ITPR1: variants seen among roughly 807,000 people sequenced by gnomAD.
ITPR1 encodes the protein inositol 1,4,5-trisphosphate-gated calcium channel ITPR1.
Under a neutral mutation model 318.4 loss-of-function variants are expected in ITPR1, and 96 were observed. That is an observed-to-expected ratio of 0.30 (90% CI 0.26 to 0.36). ITPR1 has a LOEUF of 0.36. ITPR1 is among the 10% of genes least tolerant of loss of function. The probability of loss-of-function intolerance (pLI) is 1.00; values close to 1 mark genes in which losing one functional copy is unlikely to be tolerated. For missense variants in ITPR1, 2,440 were observed against 3,460.2 expected (o/e 0.71, Z 7.40); for synonymous variants, 1,312 against 1,289.9 (o/e 1.02, Z -0.37).
intron 12 of ITPR1, among the ~76,000 whole-genome samples, chr3:4,654,659 C>T (rs1376115437): frequency 1.3e-5 from 2 of 152,136 alleles, no homozygotes; most frequent in Non-Finnish European, 2.9e-5. Context: ...CAGCAGTGGG[C>T]ATGGAAGGTG....
intron 4 of ITPR1, among the ~76,000 whole-genome samples, chr3:4,611,559 C>G (rs2092121248): frequency 1.1e-5 from 1 of 92,680 alleles, no homozygotes; most frequent in Admixed American, 1.0e-4. Flanking sequence ...GACTCTCTCT[C>G]AAAAATAAAT....
At chr3:4,537,700 C>T (rs1349410068) in intron 4 of ITPR1, among the ~76,000 whole-genome samples, 1 of 151,298 alleles carries the variant, frequency 6.6e-6, no homozygotes, top group Admixed American at 6.6e-5. Flanking sequence ...CCAAGGAATG[C>T]AGGAAGCTGC....
In ITPR1 at chr3:4,611,502, G is replaced by A. The variant is rs2092116637; in HGVS notation, c.164-16261G>A. Among the ~76,000 whole-genome samples, 3 of 151,896 alleles carry A rather than the reference G, an allele frequency of 2.0e-5. No homozygotes were observed. The South Asian group carries it at 6.2e-4, about 32-fold the overall frequency. On this transcript the variant is annotated intron_variant, in intron 4 of 61. Coordinates refer to ENST00000649015, the MANE Select transcript of ITPR1 (RefSeq NM_001378452.1). ...TTGAACCCAGGAGGCAGAGGTTGCAGTGAGCCGAGATCACGCCACTGTACG... is the reference window on the plus strand; with the variant it reads ...TTGAACCCAGGAGGCAGAGGTTGCAATGAGCCGAGATCACGCCACTGTACG...
At chr3:4,673,448 T>C (rs2094126437) in intron 21 of ITPR1, 61 bp downstream of exon 21, 13 of 1,432,788 alleles carry the variant, frequency 9.1e-6, no homozygotes, top group African/African-American at 1.4e-5. Flanking sequence ...GATAGCCCCA[T>C]ATGGTCTCAT....
At position 4,814,580 on chromosome 3, in the gene ITPR1, G is replaced by A. The variant is rs745497538; in HGVS notation, c.7701+18G>A. 31 of 1,461,504 alleles carry A rather than the reference G, an allele frequency of 2.1e-5. No homozygotes were observed. Among genetic ancestry groups the A allele is most frequent in the Non-Finnish European group, 2.7e-5 (29 of 1,056,452 alleles). 90.5% of individuals were successfully genotyped at this position (1,461,504 alleles called of 1,614,324 possible). ...CCAAAGAGGTAAATTAATCCCGAGG[G>A]GAAGGAAGGGCAAAGGGGGCGGGTG... is the stretch of plus-strand genomic sequence containing the variant. On this transcript the variant is annotated intron_variant, in intron 58 of 61. Transcript: ENST00000649015.
intron 40 of ITPR1, among the ~76,000 whole-genome samples, chr3:4,721,110 A>G (rs1434791208): frequency 6.9e-6 from 1 of 145,898 alleles, no homozygotes; most frequent in Non-Finnish European, 1.5e-5. Flanking sequence ...GTGGAGGGAT[A>G]TATATATATA....
chr3:4,701,882 A>G (rs1002951545), intron 35 of ITPR1, among the ~76,000 whole-genome samples: 2 of 152,164 alleles, frequency 1.3e-5, no homozygotes, highest in African/African-American at 4.8e-5. Context: ...TTTTCTTAAA[A>G]TAGACTTCCT....
intron 33 of ITPR1, among the ~76,000 whole-genome samples, chr3:4,695,864 T>A (rs545138473): frequency 1.2e-4 from 19 of 152,332 alleles, no homozygotes. Context: ...GGATTGTGCA[T>A]ACATCCTGGC....
chr3:4,681,675 A>G (rs1336778360), intron 26 of ITPR1, among the ~76,000 whole-genome samples: 1 of 136,888 alleles, frequency 7.3e-6, no homozygotes, highest in Non-Finnish European at 1.6e-5. Flanking sequence ...TAGGACAGAA[A>G]GGATTTAAGG....
intron 60 of ITPR1, among the ~76,000 whole-genome samples, chr3:4,828,349 G>C (rs192572249): frequency 3.3e-5 from 5 of 152,320 alleles, no homozygotes; most frequent in South Asian, 2.1e-4. Flanking sequence ...TTAGCTAATT[G>C]AAAGTGCAGG....
At chr3:4,791,764 A>G (rs1256602427) in intron 52 of ITPR1, among the ~76,000 whole-genome samples, 1 of 152,224 alleles carries the variant, frequency 6.6e-6, no homozygotes, top group Non-Finnish European at 1.5e-5. Flanking sequence ...GCATTGACGC[A>G]TGGAAGTACA....
At chr3:4,650,644 T>TGTGTGTGC (rs1337776997) in intron 10 of ITPR1, among the ~76,000 whole-genome samples, 66 of 26,538 alleles carry the variant, frequency 2.5e-3, no homozygotes, top group Middle Eastern at 0.033. Context: ...TGTGTGTGTG[T>TGTGTGTGC]GCGCGCGTCT....
chr3:4,759,965 T>C lies in ITPR1; in HGVS notation c.5545-6565T>C, dbSNP rs988035584. On this transcript the variant is annotated intron_variant, in intron 44 of 61. Coordinates refer to ENST00000649015, the MANE Select transcript of ITPR1 (RefSeq NM_001378452.1). The stretch of plus-strand genomic sequence containing the variant: ...CTGCCCTGGCCTTTTCCTTAAAGCG[T>C]ATCTGATCAGATCTGTCATCAGGGA... Among the ~76,000 whole-genome samples, 3 of 152,202 alleles carry C rather than the reference T, an allele frequency of 2.0e-5. No homozygotes were observed. In the East Asian group the frequency reaches 5.8e-4, roughly 29 times the overall value.
At chr3:4,621,887 T>A (rs57048024) in intron 4 of ITPR1, among the ~76,000 whole-genome samples, 4,690 of 152,258 alleles carry the variant, frequency 0.031, 225 homozygotes, top group African/African-American at 0.11. Context: ...GCCACAGTCC[T>A]AGAGTTGCCT....
Position 4,699,841 on chromosome 3 carries a change from A to T in ITPR1, c.4436A>T (p.His1479Leu), listed in dbSNP as rs750411926. The T allele has an allele frequency of 6.2e-7, 1 of 1,613,954 alleles. No homozygotes were observed. The highest frequency in any genetic ancestry group is 8.5e-7 in the Non-Finnish European group (1 of 1,179,830). Residue 1479 changes from histidine to leucine, a missense_variant, in exon 35 of 62, where the codon CAT becomes CTT. Around this residue, in one of 23 missense-constraint regions of ITPR1, gnomAD observed 73 missense variants for 59.5 expected, o/e 1.23. Transcript: ENST00000649015. ...TGTAACAACACTAGTGACAGGAAAC[A>T]TGCAGACTCGATTTTGGAGAAGTAT... ...RACNNTSDRK[H>L]ADSILEKYVT...
intron 44 of ITPR1, chr3:4,749,980 T>G (rs1195133294): frequency 2.0e-5 from 3 of 152,684 alleles, no homozygotes; most frequent in Non-Finnish European, 2.9e-5. Context: ...GGAGGAGGCC[T>G]TTTCCATCCA....
chr3:4,527,205 C>A (rs528316055), intron 4 of ITPR1, among the ~76,000 whole-genome samples: 29 of 152,312 alleles, frequency 1.9e-4, no homozygotes, highest in African/African-American at 7.0e-4. Flanking sequence ...GAGACAAGGT[C>A]TCACTCTGTT....
intron 26 of ITPR1, 67 bp from the exon 27 acceptor site, chr3:4,683,319 G>A: frequency 1.3e-6 from 2 of 1,546,966 alleles, no homozygotes; most frequent in Non-Finnish European, 1.8e-6. Context: ...GGTGCATCTG[G>A]GCCCAAGGGG....
At chr3:4,523,756 G>A (rs1237040435) in intron 4 of ITPR1, among the ~76,000 whole-genome samples, 2 of 152,222 alleles carry the variant, frequency 1.3e-5, no homozygotes, top group Non-Finnish European at 2.9e-5. Flanking sequence ...ACCAGGGACT[G>A]TTTGAATACA....
Sources: allele counts gnomAD v4.1 joint callset (sites outside exome capture counted in the v4.1 genomes callset), GRCh38; gene constraint gnomAD v4.1.1; regional missense constraint gnomAD v4.1.1; transcripts MANE v1.5; gene names NCBI Gene and HGNC (gene_info 2026-07-23, HGNC 2026-07-21).